The following RBFOX1 variants were observed in gnomAD, a reference collection of about 807,000 sequenced individuals.
RBFOX1 encodes the protein RNA binding protein fox-1 homolog 1.
Under a neutral mutation model 57.7 loss-of-function variants are expected in RBFOX1, and 8 were observed. The observed-to-expected ratio is 0.14, with a 90% CI of 0.08 to 0.25. RBFOX1 has a LOEUF of 0.25. Ranked by LOEUF, RBFOX1 falls within the 10% of genes least tolerant of loss-of-function variation. The probability of loss-of-function intolerance (pLI) is 1.00; values close to 1 mark genes in which losing one functional copy is unlikely to be tolerated. For missense variants in RBFOX1, 611 were observed against 548.5 expected (o/e 1.11, Z -1.14); for synonymous variants, 326 against 222.4 (o/e 1.47, Z -4.15).
intron 2 of RBFOX1, among the ~76,000 whole-genome samples, chr16:6,605,967 G>C (rs1188419576): frequency 2.0e-5 from 3 of 152,020 alleles, no homozygotes; most frequent in Non-Finnish European, 4.4e-5. Flanking sequence ...GAGCATGGTT[G>C]GGGGTGGGGG....
At chr16:6,371,774 A>G (rs1425170602) in intron 2 of RBFOX1, among the ~76,000 whole-genome samples, 1 of 152,184 alleles carries the variant, frequency 6.6e-6, no homozygotes, top group Non-Finnish European at 1.5e-5. Context: ...ATGTATATAT[A>G]ATTATCTTTT....
intron 3 of RBFOX1, among the ~76,000 whole-genome samples, chr16:6,740,141 A>G (rs28801978): frequency 0.15 from 22,311 of 152,192 alleles, 1,800 homozygotes; most frequent in South Asian, 0.25. Context: ...GTTATTCACT[A>G]TACCGATAGG....
chr16:5,642,739 G>A (rs562939578), intron 3 of RBFOX1, among the ~76,000 whole-genome samples: 1 of 152,244 alleles, frequency 6.6e-6, no homozygotes, highest in East Asian at 1.9e-4. Context: ...CCCGGGAGGG[G>A]CCTCTCTTCC....
intron 2 of RBFOX1, among the ~76,000 whole-genome samples, chr16:6,429,874 C>T (rs1333995855): frequency 2.0e-5 from 3 of 152,138 alleles, no homozygotes; most frequent in East Asian, 1.9e-4. Flanking sequence ...TTTGGGAGGC[C>T]GAGGTGGGTG....
chr16:6,545,433 C>A lies in RBFOX1; in HGVS notation c.-63-109170C>A, dbSNP rs185743627. 7.9e-5 allele frequency among the ~76,000 whole-genome samples: 12 copies of A among 152,258 alleles called. No individual in the cohort carries two copies. In the East Asian group the frequency reaches 1.4e-3, roughly 17 times the overall value. ...TCCAGGCCATCATTCTTAGGGCTTT[C>A]AACACCCTGTCCTCCATGTCATTTC... On this transcript the variant is annotated intron_variant, in intron 2 of 15. Transcript: ENST00000550418.
intron 1 of RBFOX1, among the ~76,000 whole-genome samples, chr16:6,070,067 G>C (rs935469463): frequency 6.6e-6 from 1 of 152,128 alleles, no homozygotes; most frequent in Non-Finnish European, 1.5e-5. Context: ...AAATTCCATA[G>C]AATGGTTTTG....
chr16:7,343,637 G>A (rs945301002), intron 4 of RBFOX1, among the ~76,000 whole-genome samples: 2 of 152,176 alleles, frequency 1.3e-5, no homozygotes, highest in Admixed American at 6.5e-5. Context: ...CTGTGTGTGA[G>A]GGGTTTCACT....
intron 1 of RBFOX1, among the ~76,000 whole-genome samples, chr16:5,461,242 T>C (rs984799357): frequency 6.6e-6 from 1 of 152,328 alleles, no homozygotes. Context: ...AGTGGTAACA[T>C]CTGAACTTGT....
intron 4 of RBFOX1, among the ~76,000 whole-genome samples, chr16:7,391,685 A>T (rs748872566): frequency 2.0e-5 from 3 of 152,198 alleles, no homozygotes; most frequent in South Asian, 2.1e-4. Context: ...CCCCCAAAAG[A>T]CTGTAAAGGC....
chr16:6,010,564 T>TCTCA (rs2094955313), intron 4 of RBFOX1, among the ~76,000 whole-genome samples: 1 of 152,186 alleles, frequency 6.6e-6, no homozygotes, highest in Non-Finnish European at 1.5e-5. Flanking sequence ...CAAATACTTA[T>TCTCA]CTCATGGTCG....
chr16:7,013,102 G>C (rs186369395), intron 3 of RBFOX1, among the ~76,000 whole-genome samples: 240 of 152,226 alleles, frequency 1.6e-3, no homozygotes, highest in Middle Eastern at 6.8e-3. Flanking sequence ...CTTCTCAAAA[G>C]TCCCATCTCC....
intron 1 of RBFOX1, among the ~76,000 whole-genome samples, chr16:5,314,082 C>T (rs149634588): frequency 6.6e-6 from 1 of 152,196 alleles, no homozygotes; most frequent in Non-Finnish European, 1.5e-5. Flanking sequence ...GCAGCACTTT[C>T]CAAGTTTTAT....
intron 1 of RBFOX1, among the ~76,000 whole-genome samples, chr16:5,333,854 T>G (rs534243084): frequency 6.6e-6 from 1 of 152,168 alleles, no homozygotes; most frequent in African/African-American, 2.4e-5. Flanking sequence ...TATCTCAACA[T>G]AGAAAAGGTA....
chr16:5,375,951 G>C (rs1205569059), intron 1 of RBFOX1, among the ~76,000 whole-genome samples: 1 of 152,132 alleles, frequency 6.6e-6, no homozygotes, highest in East Asian at 1.9e-4. Flanking sequence ...TGGATCATTT[G>C]AGGTCGGGAG....
intron 4 of RBFOX1, among the ~76,000 whole-genome samples, chr16:7,410,029 C>T (rs371158115): frequency 1.4e-4 from 22 of 152,060 alleles, no homozygotes; most frequent in African/African-American, 5.3e-4. Context: ...GTCCCTTCAG[C>T]TGCAATTAAA....
intron 3 of RBFOX1, among the ~76,000 whole-genome samples, chr16:6,910,698 C>T (rs906295439): frequency 6.6e-6 from 1 of 152,162 alleles, no homozygotes; most frequent in African/African-American, 2.4e-5. Context: ...TCAAAGCCAG[C>T]AGTGTGACTC....
chr16:5,598,864 T>C, intron 2 of RBFOX1: 1 of 1,443,794 alleles, frequency 6.9e-7, no homozygotes, highest in Non-Finnish European at 9.1e-7. Context: ...CAACCCGGCT[T>C]CCCCAACCTT....
intron 10 of RBFOX1, among the ~76,000 whole-genome samples, chr16:7,621,453 G>A (rs1011820249): frequency 1.3e-5 from 2 of 151,902 alleles, no homozygotes; most frequent in Non-Finnish European, 2.9e-5. Flanking sequence ...GTTAGAGACG[G>A]GTTTTGCCAT....
At chr16:5,513,047 C>T (rs1426871871) in intron 2 of RBFOX1, among the ~76,000 whole-genome samples, 2 of 152,132 alleles carry the variant, frequency 1.3e-5, no homozygotes, top group African/African-American at 4.8e-5. Context: ...TTACAAATAG[C>T]CAGGAAGGCA....
Sources: allele counts gnomAD v4.1 joint callset (sites outside exome capture counted in the v4.1 genomes callset), GRCh38; gene constraint gnomAD v4.1.1; transcripts MANE v1.5; gene names NCBI Gene and HGNC (gene_info 2026-07-23, HGNC 2026-07-21).